Variants in ABCA13 observed in about 807,000 individuals in gnomAD.
ABCA13 encodes the protein ATP binding cassette subfamily A member 13.
In ABCA13, 476 loss-of-function variants were observed where a neutral mutation model predicts 478.7. The ratio of observed to expected loss-of-function variants is 0.99; its 90% confidence interval spans 0.92 to 1.07. The LOEUF is 1.07. ABCA13 is among the 50% of genes least tolerant of loss of function. ABCA13 has a pLI of 0.00. For synonymous variants in ABCA13, 2,252 were observed against 2,158.9 expected (o/e 1.04, Z -1.20); for missense variants, 6,060 against 5,910.6 (o/e 1.03, Z -0.83).
intron 28 of ABCA13, among the ~76,000 whole-genome samples, chr7:48,337,898 T>G (rs142574708): frequency 4.9e-4 from 74 of 152,330 alleles, no homozygotes; most frequent in African/African-American, 1.7e-3. Context: ...ATGGTACAGA[T>G]GAAGCAATGA....
chr7:48,496,356 C>G (rs967227471), intron 48 of ABCA13, among the ~76,000 whole-genome samples: 35 of 151,970 alleles, frequency 2.3e-4, no homozygotes, highest in Admixed American at 1.3e-3. Flanking sequence ...AGAAAGCTTA[C>G]TTCAATTTAC....
intron 3 of ABCA13, among the ~76,000 whole-genome samples, chr7:48,218,947 A>T (rs1786901932): frequency 6.6e-6 from 1 of 152,222 alleles, no homozygotes; most frequent in Non-Finnish European, 1.5e-5. Context: ...CATGGAATTA[A>T]AAAACTAAAA....
At chr7:48,232,782 G>A (rs1221487825) in intron 7 of ABCA13, among the ~76,000 whole-genome samples, 1 of 152,170 alleles carries the variant, frequency 6.6e-6, no homozygotes, top group Non-Finnish European at 1.5e-5. Context: ...CTGGAACTCT[G>A]TGAGTAATTC....
chr7:48,518,010 A>G (rs913181527), intron 52 of ABCA13, among the ~76,000 whole-genome samples: 1 of 152,188 alleles, frequency 6.6e-6, no homozygotes, highest in Admixed American at 6.5e-5. Flanking sequence ...AGTTTTTATT[A>G]CTGTGCTTCA....
intron 56 of ABCA13, among the ~76,000 whole-genome samples, chr7:48,581,434 A>G (rs1024514396): frequency 3.9e-5 from 6 of 152,150 alleles, no homozygotes; most frequent in African/African-American, 1.4e-4. Flanking sequence ...TGACCACCCC[A>G]CAGAGACCTG....
intron 35 of ABCA13, among the ~76,000 whole-genome samples, chr7:48,383,957 A>G (rs1313532073): frequency 1.3e-5 from 2 of 152,232 alleles, no homozygotes; most frequent in African/African-American, 4.8e-5. Flanking sequence ...CTACTTTGCA[A>G]GTTTAAATAA....
intron 55 of ABCA13, among the ~76,000 whole-genome samples, chr7:48,562,517 G>A (rs2131271109): frequency 6.6e-6 from 1 of 152,014 alleles, no homozygotes; most frequent in South Asian, 2.1e-4. Context: ...AAGCAGAAAT[G>A]ACATATGCAA....
chr7:48,427,024 G>A (rs1488726083), intron 41 of ABCA13, among the ~76,000 whole-genome samples: 2 of 152,128 alleles, frequency 1.3e-5, no homozygotes, highest in Non-Finnish European at 2.9e-5. Flanking sequence ...TGACTTGTAT[G>A]CTTCTCGTGA....
chr7:48,462,454 T>C (rs369528260), intron 43 of ABCA13, among the ~76,000 whole-genome samples: 33 of 143,958 alleles, frequency 2.3e-4, no homozygotes, highest in African/African-American at 5.0e-4. Context: ...CCCCCCCCCC[T>C]ACTGTTTCCT....
intron 48 of ABCA13, among the ~76,000 whole-genome samples, chr7:48,493,296 AAAAT>A (rs1320109551): frequency 6.6e-6 from 1 of 152,218 alleles, no homozygotes; most frequent in Non-Finnish European, 1.5e-5. Context: ...ATTACATTCT[AAAAT>A]AAAGATAAAT....
chr7:48,459,371 C>T (rs1826009318), intron 43 of ABCA13, among the ~76,000 whole-genome samples: 1 of 152,286 alleles, frequency 6.6e-6, no homozygotes, highest in African/African-American at 2.4e-5. Flanking sequence ...ATCTCATGCT[C>T]TGAACTTCAG....
At chr7:48,563,017 A>T (rs1786626528) in intron 55 of ABCA13, among the ~76,000 whole-genome samples, 1 of 151,970 alleles carries the variant, frequency 6.6e-6, no homozygotes. Context: ...ATATATATTT[A>T]TATATATGTC....
intron 15 of ABCA13, among the ~76,000 whole-genome samples, chr7:48,255,956 A>C (rs936530882): frequency 6.6e-6 from 1 of 151,902 alleles, no homozygotes; most frequent in Non-Finnish European, 1.5e-5. Context: ...TTTCTCCACA[A>C]CCTCACCAGC....
intron 55 of ABCA13, among the ~76,000 whole-genome samples, chr7:48,538,490 C>T (rs1362062187): frequency 6.6e-6 from 1 of 152,266 alleles, no homozygotes; most frequent in South Asian, 2.1e-4. Flanking sequence ...CATCCAATGA[C>T]TTTTCATAAA....
At chr7:48,410,717 T>C in intron 40 of ABCA13, 40 bp downstream of exon 40, 1 of 1,583,832 alleles carries the variant, frequency 6.3e-7, no homozygotes, top group South Asian at 1.1e-5. Context: ...AAGTCCCATT[T>C]CTGTCTGTGG....
At chr7:48,641,492 C>T (rs1795097517) in intron 59 of ABCA13, among the ~76,000 whole-genome samples, 1 of 152,186 alleles carries the variant, frequency 6.6e-6, no homozygotes, top group Non-Finnish European at 1.5e-5. Context: ...CTCTCACAAC[C>T]TTATTAGGCA....
At position 48,281,324 on chromosome 7, in the gene ABCA13, T is replaced by G; in HGVS notation, c.8727-19T>G. ...ACATTTTTACCCTTTTATGTCATTGTATATATTTTTTTGCTAAGTGTTGTT... is the reference window on the plus strand; with the variant it reads ...ACATTTTTACCCTTTTATGTCATTGGATATATTTTTTTGCTAAGTGTTGTT... On this transcript the variant is annotated intron_variant, in intron 18 of 61. Transcript: ENST00000435803. 1 of 1,571,184 alleles carries G rather than the reference T, an allele frequency of 6.4e-7. No homozygotes were observed. The highest frequency in any genetic ancestry group is 8.6e-7 in the Non-Finnish European group (1 of 1,156,956).
chr7:48,515,549 C>T (rs1832041990), intron 51 of ABCA13, among the ~76,000 whole-genome samples: 1 of 152,152 alleles, frequency 6.6e-6, no homozygotes, highest in Admixed American at 6.5e-5. Context: ...TTCTTACTCC[C>T]CAGCTTTGGG....
chr7:48,470,293 C>T (rs1042655611), intron 44 of ABCA13, among the ~76,000 whole-genome samples: 1 of 151,984 alleles, frequency 6.6e-6, no homozygotes, highest in Non-Finnish European at 1.5e-5. Context: ...TCATGGACAC[C>T]TAGTTTTACT....
Sources: allele counts gnomAD v4.1 joint callset (sites outside exome capture counted in the v4.1 genomes callset), GRCh38; gene constraint gnomAD v4.1.1; transcripts MANE v1.5; gene names NCBI Gene and HGNC (gene_info 2026-07-23, HGNC 2026-07-21).